SLC35F4: variants seen among roughly 807,000 people sequenced by gnomAD.
SLC35F4 encodes the protein chromosome 14 open reading frame 36.
SLC35F4 carries 24 observed loss-of-function variants against 44.2 expected under a neutral mutation model. The ratio of observed to expected loss-of-function variants is 0.54; its 90% CI spans 0.39 to 0.76. The LOEUF (loss-of-function observed/expected upper bound fraction) is 0.76. Ranked by LOEUF, SLC35F4 falls within the 30% of genes least tolerant of loss-of-function variation. SLC35F4 has a pLI of 0.00. For synonymous variants in SLC35F4, 238 were observed against 223.6 expected (o/e 1.06, Z -0.57); for missense variants, 562 against 586.1 (o/e 0.96, Z 0.42).
chr14:57,898,050 GC>G (rs1888920095), intron 1 of SLC35F4, among the ~76,000 whole-genome samples: 1 of 152,138 alleles, frequency 6.6e-6, no homozygotes, highest in African/African-American at 2.4e-5. Context: ...TAATCTCCAT[GC>G]CCTGTCATGT....
intron 1 of SLC35F4, among the ~76,000 whole-genome samples, chr14:57,964,991 A>AT (rs1279192848): frequency 0.037 from 4,241 of 115,190 alleles, 84 homozygotes; most frequent in Non-Finnish European, 0.047. Context: ...AAAAAAAAAA[A>AT]ATATATATAT....
At chr14:57,622,590 A>G (rs2072244007) in intron 1 of SLC35F4, among the ~76,000 whole-genome samples, 1 of 143,782 alleles carries the variant, frequency 7.0e-6, no homozygotes, top group African/African-American at 2.5e-5. Flanking sequence ...AAAACTGCAT[A>G]TTCTCACTCA....
At chr14:57,584,847 A>C (rs1204916006) in intron 3 of SLC35F4, among the ~76,000 whole-genome samples, 3 of 152,168 alleles carry the variant, frequency 2.0e-5, no homozygotes, top group African/African-American at 7.2e-5. Context: ...TTTTAAATCA[A>C]TGTGTGTCTA....
At chr14:57,728,441 C>CTTTTTTTTTTTTTTTTTTTTTTT (rs869064667) in intron 1 of SLC35F4, among the ~76,000 whole-genome samples, 1 of 59,026 alleles carries the variant, frequency 1.7e-5, no homozygotes, top group Non-Finnish European at 2.9e-5. Flanking sequence ...TTCTTTCTTT[C>CTTTTTTTTTTTTTTTTTTTTTTT]TTTTTTTTTT....
intron 1 of SLC35F4, among the ~76,000 whole-genome samples, chr14:57,641,397 C>G (rs774655066): frequency 2.5e-4 from 38 of 151,882 alleles, no homozygotes; most frequent in Non-Finnish European, 4.6e-4. Context: ...GTTTCCTCAT[C>G]TTTAAGATGA....
chr14:57,716,354 T>C (rs2075943742), intron 1 of SLC35F4, among the ~76,000 whole-genome samples: 1 of 152,178 alleles, frequency 6.6e-6, no homozygotes, highest in Non-Finnish European at 1.5e-5. Flanking sequence ...ATGCCGGATG[T>C]TGCAATTTTT....
chr14:57,669,584 A>G (rs899184752), intron 1 of SLC35F4, among the ~76,000 whole-genome samples: 2 of 152,102 alleles, frequency 1.3e-5, no homozygotes, highest in Admixed American at 1.3e-4. Flanking sequence ...ATCTATTGAG[A>G]TAATCATGCG....
chr14:57,970,451 A>G (rs1341014999), intron 1 of SLC35F4, among the ~76,000 whole-genome samples: 1 of 152,210 alleles, frequency 6.6e-6, no homozygotes, highest in Non-Finnish European at 1.5e-5. Flanking sequence ...GAAAGCCTGC[A>G]TGACAGTTGT....
At chr14:57,705,687 C>A (rs1485327706) in intron 1 of SLC35F4, among the ~76,000 whole-genome samples, 1 of 152,158 alleles carries the variant, frequency 6.6e-6, no homozygotes, top group African/African-American at 2.4e-5. Context: ...GATGATGTCA[C>A]TTTTCCACTG....
chr14:57,920,150 TA>T (rs986881386), intron 1 of SLC35F4, among the ~76,000 whole-genome samples: 1 of 152,212 alleles, frequency 6.6e-6, no homozygotes, highest in African/African-American at 2.4e-5. Flanking sequence ...AAAAGCCACT[TA>T]AATTTATTTA....
intron 1 of SLC35F4, among the ~76,000 whole-genome samples, chr14:57,662,941 A>G (rs1225356063): frequency 6.6e-6 from 1 of 152,192 alleles, no homozygotes; most frequent in Non-Finnish European, 1.5e-5. Flanking sequence ...TATGGTTGAC[A>G]GTGGTTGTGT....
chr14:57,796,487 C>T (rs1288744058), intron 1 of SLC35F4, among the ~76,000 whole-genome samples: 10 of 152,102 alleles, frequency 6.6e-5, no homozygotes, highest in Admixed American at 4.6e-4. Flanking sequence ...ATTGTATTTT[C>T]AGGTAACAGG....
intron 1 of SLC35F4, among the ~76,000 whole-genome samples, chr14:57,726,868 T>C (rs1092029): frequency 0.93 from 141,044 of 152,098 alleles, 65,875 homozygotes; most frequent in Non-Finnish European, 1. Flanking sequence ...CACCCTTAAT[T>C]TGGGTGGGCA....
At chr14:57,739,456 T>C (rs1203217224) in intron 1 of SLC35F4, among the ~76,000 whole-genome samples, 5 of 152,222 alleles carry the variant, frequency 3.3e-5, no homozygotes, top group Admixed American at 3.3e-4. Flanking sequence ...AACTACAGAC[T>C]TCCTAGGTGT....
intron 1 of SLC35F4, among the ~76,000 whole-genome samples, chr14:57,927,217 T>C (rs1359030244): frequency 6.6e-6 from 1 of 152,210 alleles, no homozygotes; most frequent in Non-Finnish European, 1.5e-5. Context: ...CTGGAAGTGG[T>C]AGCTATTAAA....
At chr14:57,638,851 C>G (rs2073113530) in intron 1 of SLC35F4, among the ~76,000 whole-genome samples, 1 of 152,022 alleles carries the variant, frequency 6.6e-6, no homozygotes, top group Admixed American at 6.6e-5. Context: ...GGTCAGAGGT[C>G]CCCTATCAAG....
intron 3 of SLC35F4, among the ~76,000 whole-genome samples, chr14:57,585,532 G>A (rs1292580293): frequency 6.6e-6 from 1 of 152,102 alleles, no homozygotes; most frequent in African/African-American, 2.4e-5. Context: ...TATCCAAGTA[G>A]GAAAAGAGGA....
chr14:57,751,020 T>C (rs1003819830), intron 1 of SLC35F4, among the ~76,000 whole-genome samples: 1 of 152,186 alleles, frequency 6.6e-6, no homozygotes, highest in Non-Finnish European at 1.5e-5. Context: ...ACACGTTACT[T>C]ACAGCATCAG....
At chr14:57,867,908 C>T (rs72624733), upstream of SLC35F4, among the ~76,000 whole-genome samples, 3,449 of 152,086 alleles carry the variant, frequency 0.023, 429 homozygotes, top group East Asian at 0.39. Context: ...CACATACATA[C>T]ACACACACAT....
Sources: allele counts gnomAD v4.1 joint callset (sites outside exome capture counted in the v4.1 genomes callset), GRCh38; gene constraint gnomAD v4.1.1; transcripts MANE v1.5; gene names NCBI Gene and HGNC (gene_info 2026-07-23, HGNC 2026-07-21).